SPNS1: variants seen among roughly 807,000 people sequenced by gnomAD.
SPNS1 encodes SPNS lysolipid transporter 1, lysophospholipid, also known as protein spinster homolog 1.
A neutral mutation model predicts 50.3 loss-of-function variants in SPNS1; 22 were observed. The ratio of observed to expected loss-of-function variants is 0.44; its 90% CI spans 0.31 to 0.62. The LOEUF is 0.62. Among genes scored for constraint, SPNS1 ranks in the 20% least tolerant of loss-of-function variants. The pLI is 0.07. For synonymous variants in SPNS1, 295 were observed against 317.4 expected (o/e 0.93, Z 0.75); for missense variants, 576 against 728.6 (o/e 0.79, Z 2.41).
At chr16:28,977,705 T>C (rs545854824) in intron 2 of SPNS1, among the ~76,000 whole-genome samples, 3 of 152,166 alleles carry the variant, frequency 2.0e-5, no homozygotes, top group East Asian at 1.9e-4. Context: ...CATTATACAA[T>C]GGGAAATCTG....
Position 28,982,153 on chromosome 16 carries a change from C to G in SPNS1, c.965+97C>G, listed in dbSNP as rs147517257. ...CCCAGGCAGGGAGTTTGACTCCTGA[C>G]TTCACAAGCTGCCTGCTCTCCTGGA... is the stretch of plus-strand genomic sequence containing the variant. On this transcript the variant is annotated intron_variant, in intron 7 of 11. Transcript: ENST00000311008. 4 of 1,468,160 alleles carry G rather than the reference C, an allele frequency of 2.7e-6. No homozygotes were observed. The South Asian group carries it at 3.7e-5, about 14-fold the overall frequency. 90.9% of individuals were successfully genotyped at this position (1,468,160 alleles called of 1,614,324 possible).
At position 28,974,794 on chromosome 16, in the gene SPNS1, G is replaced by A; in HGVS notation, c.-358G>A. The A allele has an allele frequency of 2.0e-6, 3 of 1,535,682 alleles. No individual in the cohort carries two copies. Among genetic ancestry groups the A allele is most frequent in the Non-Finnish European group, 2.6e-6 (3 of 1,146,554 alleles). ...TCCCGCGTCACATGACCGGCTTTAA[G>A]CAACATGGCGGCTGCCGTGGTGCAG... On this transcript the variant is annotated 5_prime_UTR_variant, in exon 1 of 12. Coordinates refer to ENST00000311008, the MANE Select transcript of SPNS1 (RefSeq NM_032038.3).
rs1596756868 is a variant in SPNS1 at position 28,982,804 on chromosome 16, T to C, written c.1156-53T>C. ...TAGATGAGCTGGGAACATGGTCAACTTTCCATGTGTTAGCCCTTACTGTCA... is the reference window on the plus strand; with the variant it reads ...TAGATGAGCTGGGAACATGGTCAACCTTCCATGTGTTAGCCCTTACTGTCA... On this transcript the variant is annotated intron_variant, in intron 8 of 11. Transcript: ENST00000311008. 2.5e-6 allele frequency: 4 copies of C among 1,594,010 alleles called. No homozygotes were observed. The East Asian group carries it at 9.0e-5, about 36-fold the overall frequency.
At position 28,983,348 on chromosome 16, in the gene SPNS1, C is replaced by A; in HGVS notation, c.1320+58C>A. ...CTGGTGTCCTGAGCCTGGGCTGGAT[C>A]AGAAGGCCTGGCCCTAGTGAAGTGT... On this transcript the variant is annotated intron_variant, in intron 10 of 11. Transcript: ENST00000311008. This position sits in a 1 kb window ranked among gnomAD's most constrained non-coding sequence, Gnocchi z 5.4. 7.2e-7 allele frequency: 1 copy of A among 1,389,854 alleles called. No individual in the cohort carries two copies. Among genetic ancestry groups the A allele is most frequent in the Non-Finnish European group, 1.0e-6 (1 of 976,600 alleles). 86.1% of individuals were successfully genotyped at this position (1,389,854 alleles called of 1,614,324 possible).
chr16:28,979,003 G>C, intron 3 of SPNS1, 152 bp from the exon 4 acceptor site: 1 of 911,498 alleles, frequency 1.1e-6, no homozygotes. Context: ...CAGCTAGTAA[G>C]TGGTGGAGCC....
chr16:28,975,648 A>C (rs1965316988), intron 2 of SPNS1, 91 bp downstream of exon 2: 2 of 1,457,090 alleles, frequency 1.4e-6, no homozygotes, highest in Admixed American at 3.6e-5. Flanking sequence ...GGGGCTCATT[A>C]ATGGAGGTTT....
In SPNS1 at chr16:28,981,388, T is replaced by A; in HGVS notation, c.664-82T>A. 1 of 1,565,684 alleles carries A rather than the reference T, an allele frequency of 6.4e-7. No homozygotes were observed. Among genetic ancestry groups the A allele is most frequent in the Non-Finnish European group, 8.7e-7 (1 of 1,146,106 alleles). On this transcript the variant is annotated intron_variant, in intron 5 of 11. Coordinates refer to ENST00000311008, the MANE Select transcript of SPNS1 (RefSeq NM_032038.3). The surrounding 1 kb of genome is among the most constrained non-coding windows in gnomAD (Gnocchi z 4.2). ...GGTATTTTAGGTCTCAGGCTGGAGT[T>A]ATCTGTACCCCACACTCTCCTCCAG... is the stretch of plus-strand genomic sequence containing the variant.
At chr16:28,976,091 A>G (rs1418039825) in intron 2 of SPNS1, among the ~76,000 whole-genome samples, 1 of 152,020 alleles carries the variant, frequency 6.6e-6, no homozygotes, top group Non-Finnish European at 1.5e-5. Context: ...GGTCAACATG[A>G]CGAAACCCCA....
At position 28,983,087 on chromosome 16, in the gene SPNS1, C is replaced by T. The variant is rs1460658542; in HGVS notation, c.1222-105C>T. 2 of 1,209,392 alleles carry T rather than the reference C, an allele frequency of 1.7e-6. No individual in the cohort carries two copies. The highest frequency in any genetic ancestry group is 2.4e-6 in the Non-Finnish European group (2 of 831,596). The allele number at this position is 1,209,392 out of a possible 1,614,324, so 74.9% of individuals were successfully genotyped here. On this transcript the variant is annotated intron_variant, in intron 9 of 11. Coordinates refer to ENST00000311008, the MANE Select transcript of SPNS1 (RefSeq NM_032038.3). The surrounding 1 kb of genome is among the most constrained non-coding windows in gnomAD (Gnocchi z 5.4). ...TGCCCTGCGACCTCAACCCCAGGCA[C>T]ACCTCTGACCCCGGCCTAGGCGGAT...
At chr16:28,977,869 G>A (rs1186233682) in intron 2 of SPNS1, 39 bp from the exon 3 acceptor site, 3 of 1,604,558 alleles carry the variant, frequency 1.9e-6, no homozygotes, top group African/African-American at 2.7e-5. Flanking sequence ...GGGAGGTAGG[G>A]GTACCTGGGC....
chr16:28,983,873 G>C lies in SPNS1; in HGVS notation c.1408G>C (p.Val470Leu). The stretch of plus-strand genomic sequence containing the variant: ...GTTCTCGCTCATGCTCTGCGCGTTT[G>C]TTGGGGCACTGGGCGGCGCAGCCTT... ...LQFSLMLCAF[V>L]GALGGAAFLG... The change falls in exon 11 of 12, where the codon GTT becomes CTT. Residue 470 changes from valine to leucine, a missense_variant. By Grantham distance (32) the Val-to-Leu change is conservative. Transcript: ENST00000311008. The surrounding 1 kb of genome is among the most constrained non-coding windows in gnomAD (Gnocchi z 5.4). 2 of 1,603,708 alleles carry C rather than the reference G, an allele frequency of 1.2e-6. No homozygotes were observed. Among genetic ancestry groups the C allele is most frequent in the South Asian group, 1.1e-5 (1 of 91,026 alleles).
chr16:28,984,744 C>T, downstream of SPNS1: 1 of 928,910 alleles, frequency 1.1e-6, no homozygotes, highest in Non-Finnish European at 1.7e-6. Context: ...CCCCTGCTTC[C>T]CTGGAGCCTG....
In SPNS1 at chr16:28,981,884, C is replaced by T; in HGVS notation, c.810-17C>T. Reference sequence around the variant, plus strand: ...ACCTCCGTGGGGTCTTACTCTCTCCCTCCCAACTATCTGCAGTCCTAGTTT... The same window carrying T: ...ACCTCCGTGGGGTCTTACTCTCTCCTTCCCAACTATCTGCAGTCCTAGTTT... On this transcript the variant is annotated splice_polypyrimidine_tract_variant and intron_variant, in intron 6 of 11. Coordinates refer to ENST00000311008, the MANE Select transcript of SPNS1 (RefSeq NM_032038.3). This position sits in a 1 kb window ranked among gnomAD's most constrained non-coding sequence, Gnocchi z 4.2. 6.2e-7 allele frequency: 1 copy of T among 1,613,816 alleles called. No homozygotes were observed. Among genetic ancestry groups the T allele is most frequent in the Non-Finnish European group, 8.5e-7 (1 of 1,179,878 alleles).
chr16:28,978,845 C>T (rs1567522559), intron 3 of SPNS1: 4 of 295,392 alleles, frequency 1.4e-5, no homozygotes, highest in Non-Finnish European at 2.5e-5. Context: ...AATTAAAAAA[C>T]TTTCCCCTAC....
chr16:28,982,850 C>G lies in SPNS1; in HGVS notation c.1156-7C>G, dbSNP rs1965602848. 1.2e-6 allele frequency: 2 copies of G among 1,613,726 alleles called. No homozygotes were observed. The highest frequency in any genetic ancestry group is 1.7e-6 in the Non-Finnish European group (2 of 1,179,956). ...TGTCATGAACCCCCGACCCTCTCTT[C>G]CCCCAGATTTTCATCTTCATTGGAG... is the stretch of plus-strand genomic sequence containing the variant. On this transcript the variant is annotated splice_polypyrimidine_tract_variant and splice_region_variant and intron_variant, in intron 8 of 11. Transcript: ENST00000311008.
rs1484057344 is a variant in SPNS1, at chr16:28,981,566, C to T, written c.760C>T (p.Pro254Ser). Residue 254 changes from proline (P) to serine (S), a missense_variant, in exon 6 of 12, where the codon CCC (proline) becomes TCC (serine). Physicochemically the swap from Pro to Ser is moderately conservative, Grantham distance 74. Transcript: ENST00000311008. This position sits in a 1 kb window ranked among gnomAD's most constrained non-coding sequence, Gnocchi z 4.2. ...CGTGGAGCGCCACTCAGATTTGCCA[C>T]CCCTGAACCCCACCTCGTGGTGGGC... ...GAVERHSDLPPLNPTSWWADL... is the reference protein window; with the variant it reads ...GAVERHSDLPSLNPTSWWADL... The T allele has an allele frequency of 5.6e-6, 9 of 1,614,144 alleles. No homozygotes were observed. The highest frequency in any genetic ancestry group is 3.3e-5 in the South Asian group (3 of 91,084).
In SPNS1 at chr16:28,982,873, G is replaced by A; in HGVS notation, c.1172G>A (p.Gly391Glu). The change falls in exon 9 of 12, where the codon GGA (glycine) becomes GAA (glutamate). Residue 391 changes from glycine (G) to glutamate (E), a missense_variant. Around this residue, in one of 3 missense-constraint regions of SPNS1, gnomAD observed 428 missense variants for 520.1 expected, o/e 0.82. Transcript: ENST00000311008. The stretch of plus-strand genomic sequence containing the variant: ...TTCCCCCAGATTTTCATCTTCATTG[G>A]AGAGACCCTCCTGTCCATGAACTGG... ...IVATYIFIFI[G>E]ETLLSMNWAI... is the part of the protein sequence containing the mutation. 1 of 1,613,766 alleles carries A rather than the reference G, an allele frequency of 6.2e-7. No individual in the cohort carries two copies. The highest frequency in any genetic ancestry group is 1.6e-4 in the Middle Eastern group (1 of 6,062).
Position 28,984,410 on chromosome 16 carries a change from GC to G in SPNS1, c.*113del. The G allele has an allele frequency of 9.1e-7, 1 of 1,103,802 alleles. No homozygotes were observed. The highest frequency in any genetic ancestry group is 2.6e-5 in the East Asian group (1 of 39,152). The allele number at this position is 1,103,802 out of a possible 1,614,324, so 68.4% of individuals were successfully genotyped here. On this transcript the variant is annotated 3_prime_UTR_variant, in exon 12 of 12. Transcript: ENST00000311008. Reference sequence around the variant, plus strand: ...GGCCCAGCTTCCAGAGGGACCCTGGGCCGTGTGCCAGCTCCCAGACACTACC... The same window carrying G: ...GGCCCAGCTTCCAGAGGGACCCTGGGCGTGTGCCAGCTCCCAGACACTACC...
chr16:28,977,332 A>AAG (rs1464516835), intron 2 of SPNS1, among the ~76,000 whole-genome samples: 2 of 149,500 alleles, frequency 1.3e-5, no homozygotes, highest in Non-Finnish European at 1.5e-5. Flanking sequence ...AAAAAAAAAA[A>AAG]AGAGAAAAAA....
Sources: allele counts gnomAD v4.1 joint callset (sites outside exome capture counted in the v4.1 genomes callset), GRCh38; gene constraint gnomAD v4.1.1; regional missense constraint gnomAD v4.1.1; non-coding constraint Gnocchi (gnomAD v3.1); transcripts MANE v1.5; gene names NCBI Gene and HGNC (gene_info 2026-07-23, HGNC 2026-07-21).